Variants in ATXN2 observed in about 807,000 individuals in gnomAD.
ATXN2 encodes ataxin 2.
In ATXN2, 37 loss-of-function variants were observed where a neutral mutation model predicts 138.6. The ratio of observed to expected loss-of-function variants is 0.27; its 90% confidence interval spans 0.21 to 0.35. ATXN2 has a LOEUF of 0.35. Ranked by LOEUF, ATXN2 falls within the 10% of genes least tolerant of loss-of-function variation. The pLI is 1.00. For synonymous variants in ATXN2, 549 were observed against 543.7 expected (o/e 1.01, Z -0.13); for missense variants, 1,216 against 1,480.3 (o/e 0.82, Z 2.93).
rs1041313970 is a variant in ATXN2 at position 111,572,256 on chromosome 12, C to A, written c.252-16337G>T. On this transcript the variant is annotated intron_variant, in intron 1 of 24. Transcript: ENST00000673436. ...TCTCTACTAAATACAAAGAAATTAG[C>A]CGAGCGTGGTGGCACATGCCTATAA... Among the ~76,000 whole-genome samples, 5 of 151,842 alleles carry A rather than the reference C, an allele frequency of 3.3e-5. No homozygotes were observed. In the South Asian group the frequency reaches 1.0e-3, roughly 32 times the overall value.
chr12:111,495,326 A>C (rs868053711), intron 14 of ATXN2, among the ~76,000 whole-genome samples: 33 of 151,790 alleles, frequency 2.2e-4, no homozygotes, highest in South Asian at 4.2e-4. Flanking sequence ...AAAAAAAAAA[A>C]ACCAAAGATC....
intron 14 of ATXN2, among the ~76,000 whole-genome samples, chr12:111,502,440 T>C (rs1318729080): frequency 1.3e-5 from 2 of 152,202 alleles, no homozygotes; most frequent in African/African-American, 4.8e-5. Context: ...TTTTTTTCTT[T>C]TTTTTGGAGA....
At chr12:111,588,665 A>G (rs974503435) in intron 1 of ATXN2, among the ~76,000 whole-genome samples, 1 of 151,778 alleles carries the variant, frequency 6.6e-6, no homozygotes, top group African/African-American at 2.4e-5. Flanking sequence ...CAGCTGTGAC[A>G]AGTTTTCATA....
At chr12:111,478,403 C>CAAAT (rs200071981) in intron 18 of ATXN2, among the ~76,000 whole-genome samples, 21 of 151,800 alleles carry the variant, frequency 1.4e-4, no homozygotes, top group East Asian at 2.0e-4. Context: ...GAGATTCCAT[C>CAAAT]AAATAAATAA....
intron 3 of ATXN2, among the ~76,000 whole-genome samples, chr12:111,553,355 G>C (rs575199990): frequency 2.6e-5 from 4 of 151,826 alleles, no homozygotes; most frequent in Non-Finnish European, 5.9e-5. Flanking sequence ...TTCAGATACC[G>C]AATTACATAA....
chr12:111,495,303 T>G (rs1238332203), intron 14 of ATXN2, among the ~76,000 whole-genome samples: 1 of 135,220 alleles, frequency 7.4e-6, no homozygotes, highest in Non-Finnish European at 1.5e-5. Context: ...AGCAAAACTC[T>G]GTCTCAAAAA....
intron 1 of ATXN2, among the ~76,000 whole-genome samples, chr12:111,583,078 C>T (rs1813644142): frequency 6.7e-6 from 1 of 150,276 alleles, no homozygotes; most frequent in Non-Finnish European, 1.5e-5. Context: ...CTGCAACCTC[C>T]ACCTCCTGGG....
intron 8 of ATXN2, among the ~76,000 whole-genome samples, chr12:111,518,692 T>C (rs1879989366): frequency 1.3e-5 from 2 of 152,226 alleles, no homozygotes; most frequent in South Asian, 4.1e-4. Context: ...TCTCTATGGC[T>C]GATTCCATCA....
At chr12:111,563,533 C>A (rs1472310011) in intron 1 of ATXN2, among the ~76,000 whole-genome samples, 1 of 152,058 alleles carries the variant, frequency 6.6e-6, no homozygotes, top group Non-Finnish European at 1.5e-5. Context: ...AAAGAGGCAT[C>A]ATGTCTCTCA....
At chr12:111,569,800 G>A (rs1407696885) in intron 1 of ATXN2, among the ~76,000 whole-genome samples, 1 of 151,806 alleles carries the variant, frequency 6.6e-6, no homozygotes, top group East Asian at 1.9e-4. Context: ...TAGAGAAAGG[G>A]ATAAAAGGCT....
At chr12:111,541,358 T>C (rs1036295029) in intron 5 of ATXN2, among the ~76,000 whole-genome samples, 19 of 143,816 alleles carry the variant, frequency 1.3e-4, no homozygotes, top group Admixed American at 9.8e-4. Flanking sequence ...TTTTTTTTTT[T>C]TTTTTTTTTT....
chr12:111,469,839 C>T (rs866945530), intron 20 of ATXN2: 6 of 421,942 alleles, frequency 1.4e-5, no homozygotes, highest in Non-Finnish European at 2.1e-5. Context: ...GAGAAAGGTA[C>T]CTTTCTCCAC....
intron 7 of ATXN2, among the ~76,000 whole-genome samples, chr12:111,520,430 A>G (rs541123068): frequency 6.6e-6 from 1 of 152,292 alleles, no homozygotes; most frequent in African/African-American, 2.4e-5. Flanking sequence ...AGGCAGGTGG[A>G]TCACGAGGTG....
chr12:111,511,375 C>G (rs1225885282), intron 11 of ATXN2: 1 of 151,902 alleles, frequency 6.6e-6, no homozygotes, highest in Admixed American at 6.6e-5. Flanking sequence ...TGCTTATACT[C>G]TCTCACTTCT....
At chr12:111,481,421 G>A (rs1210172997) in intron 18 of ATXN2, among the ~76,000 whole-genome samples, 1 of 152,032 alleles carries the variant, frequency 6.6e-6, no homozygotes, top group Non-Finnish European at 1.5e-5. Context: ...CTCCAGCCTG[G>A]GCACGATCTC....
chr12:111,486,983 G>A (rs1270847787), intron 15 of ATXN2, among the ~76,000 whole-genome samples, 159 bp from the exon 16 acceptor site: 2 of 151,952 alleles, frequency 1.3e-5, no homozygotes, highest in Non-Finnish European at 1.5e-5. Flanking sequence ...CACTTATATT[G>A]CCCATTCCTT....
chr12:111,481,932 G>GATT (rs1203434022), intron 18 of ATXN2, among the ~76,000 whole-genome samples: 1 of 152,068 alleles, frequency 6.6e-6, no homozygotes, highest in Non-Finnish European at 1.5e-5. Flanking sequence ...AGACTGCTGG[G>GATT]ATTATAGGCA....
chr12:111,599,611 GGT>G, upstream of ATXN2: 1 of 1,079,582 alleles, frequency 9.3e-7, no homozygotes, highest in Non-Finnish European at 1.1e-6. Context: ...CAGAACGTGA[GGT>G]GGCCCCGGGG....
intron 18 of ATXN2, among the ~76,000 whole-genome samples, chr12:111,472,430 C>T (rs1217403288): frequency 1.3e-5 from 2 of 152,024 alleles, no homozygotes; most frequent in Non-Finnish European, 2.9e-5. Context: ...CAATAGCCTT[C>T]ATATATGGTA....
Sources: allele counts gnomAD v4.1 joint callset (sites outside exome capture counted in the v4.1 genomes callset), GRCh38; gene constraint gnomAD v4.1.1; transcripts MANE v1.5; gene names NCBI Gene and HGNC (gene_info 2026-07-23, HGNC 2026-07-21).